KIAA1217: variants seen among roughly 807,000 people sequenced by gnomAD.
The protein encoded by KIAA1217 is KIAA1217.
A neutral mutation model predicts 163.9 loss-of-function variants in KIAA1217; 88 were observed. That is an observed-to-expected ratio of 0.54 (90% CI 0.45 to 0.64). KIAA1217 has a LOEUF of 0.64. Among genes scored for constraint, KIAA1217 ranks in the 30% least tolerant of loss-of-function variants. The probability of loss-of-function intolerance (pLI) is 0.00; values close to 1 mark genes in which losing one functional copy is unlikely to be tolerated. For synonymous variants in KIAA1217, 903 were observed against 923.1 expected (o/e 0.98, Z 0.39); for missense variants, 2,372 against 2,475.0 (o/e 0.96, Z 0.88).
At chr10:23,727,154 C>CT (rs1838204551) in intron 1 of KIAA1217, among the ~76,000 whole-genome samples, 2 of 151,580 alleles carry the variant, frequency 1.3e-5, no homozygotes, top group African/African-American at 2.4e-5. Context: ...AGCCTGGCTG[C>CT]TTTTTTTGTA....
chr10:24,283,041 C>G (rs765004104), intron 2 of KIAA1217, among the ~76,000 whole-genome samples: 17 of 151,764 alleles, frequency 1.1e-4, no homozygotes, highest in Non-Finnish European at 1.8e-4. Flanking sequence ...CCATGTTGGT[C>G]TGGCTGGTCT....
At chr10:24,473,007 T>C (rs1026104822) in intron 5 of KIAA1217, among the ~76,000 whole-genome samples, 1 of 152,206 alleles carries the variant, frequency 6.6e-6, no homozygotes, top group Non-Finnish European at 1.5e-5. Flanking sequence ...ATAAAGACCC[T>C]TGTGATTGCC....
rs149392698 is a variant in KIAA1217 at position 24,354,782 on chromosome 10, A to T, written c.355-26087A>T. Among the ~76,000 whole-genome samples the T allele has an allele frequency of 8.0e-3, 599 of 75,086 alleles. 3 individuals are homozygous for T. The highest frequency in any genetic ancestry group is 0.034 in the African/African-American group (573 of 16,700). The allele number at this position is 75,086 out of a possible 152,430, so 49.3% of individuals were successfully genotyped here. Reference sequence around the variant, plus strand: ...TGCTCCTCTGCTCTTCTGCTCATGGAGCCTGGGGCTTGGGGTTTATATGGG... The same window carrying T: ...TGCTCCTCTGCTCTTCTGCTCATGGTGCCTGGGGCTTGGGGTTTATATGGG... On this transcript the variant is annotated intron_variant, in intron 2 of 20. Transcript: ENST00000376454.
chr10:23,850,114 C>T (rs1477340395), intron 1 of KIAA1217, among the ~76,000 whole-genome samples: 5 of 151,954 alleles, frequency 3.3e-5, no homozygotes, highest in Non-Finnish European at 4.4e-5. Context: ...AGAGTCCATC[C>T]CATTAAAGAG....
At chr10:24,326,713 T>A (rs1258189299) in intron 2 of KIAA1217, among the ~76,000 whole-genome samples, 1 of 152,096 alleles carries the variant, frequency 6.6e-6, no homozygotes, top group East Asian at 1.9e-4. Context: ...CCACAAAAGG[T>A]TTGTGGCATT....
intron 1 of KIAA1217, among the ~76,000 whole-genome samples, chr10:23,980,133 C>G (rs1340661524): frequency 6.6e-6 from 1 of 152,130 alleles, no homozygotes; most frequent in Non-Finnish European, 1.5e-5. Flanking sequence ...TTTCCTCCTG[C>G]TGTTTGTTTT....
chr10:23,937,317 A>T (rs1468888842), intron 1 of KIAA1217, among the ~76,000 whole-genome samples: 3 of 152,158 alleles, frequency 2.0e-5, no homozygotes, highest in African/African-American at 7.2e-5. Flanking sequence ...GGAGAGTAGC[A>T]TGGGGACACA....
At chr10:24,539,175 C>T (rs529255118) in intron 17 of KIAA1217, among the ~76,000 whole-genome samples, 1 of 152,218 alleles carries the variant, frequency 6.6e-6, no homozygotes, top group South Asian at 2.1e-4. Flanking sequence ...TTTGGACTTT[C>T]TCAAAGATCC....
At chr10:23,758,626 T>C (rs370803801) in intron 1 of KIAA1217, among the ~76,000 whole-genome samples, 2 of 116,918 alleles carry the variant, frequency 1.7e-5, no homozygotes, top group African/African-American at 3.8e-5. Context: ...CTTTCTTACT[T>C]TCTCTCTCTC....
chr10:24,335,065 A>G (rs1329206868), intron 2 of KIAA1217, among the ~76,000 whole-genome samples: 1 of 152,210 alleles, frequency 6.6e-6, no homozygotes, highest in Non-Finnish European at 1.5e-5. Flanking sequence ...AATACACACA[A>G]TGAGATCTAT....
chr10:24,336,188 C>A (rs1276968977), intron 2 of KIAA1217, among the ~76,000 whole-genome samples: 2 of 152,058 alleles, frequency 1.3e-5, no homozygotes, highest in Non-Finnish European at 2.9e-5. Flanking sequence ...AGTTGCATGA[C>A]CCGAGACCGG....
chr10:23,920,098 A>G (rs1413351629), intron 1 of KIAA1217, among the ~76,000 whole-genome samples: 1 of 152,196 alleles, frequency 6.6e-6, no homozygotes, highest in African/African-American at 2.4e-5. Flanking sequence ...CAGCTACTCA[A>G]GGACAAAATG....
intron 1 of KIAA1217, among the ~76,000 whole-genome samples, chr10:23,738,336 T>C (rs1461364012): frequency 6.6e-6 from 1 of 152,232 alleles, no homozygotes; most frequent in Non-Finnish European, 1.5e-5. Context: ...TTATTGCCTC[T>C]CACTGATTCA....
intron 3 of KIAA1217, among the ~76,000 whole-genome samples, chr10:24,425,369 A>T (rs990424512): frequency 1.3e-5 from 2 of 152,212 alleles, no homozygotes; most frequent in African/African-American, 4.8e-5. Context: ...GTTCACTTTT[A>T]TACCTAAGTT....
intron 2 of KIAA1217, among the ~76,000 whole-genome samples, chr10:24,160,414 T>C (rs1407666664): frequency 2.6e-5 from 4 of 152,198 alleles, no homozygotes; most frequent in African/African-American, 9.7e-5. Context: ...TGTTTTATAC[T>C]CTCGGTGTAC....
At chr10:24,222,553 G>T (rs569013861) in intron 2 of KIAA1217, among the ~76,000 whole-genome samples, 1 of 152,204 alleles carries the variant, frequency 6.6e-6, no homozygotes, top group Non-Finnish European at 1.5e-5. Context: ...GGAGTACAGT[G>T]GCGCAATCTT....
chr10:24,508,483 AGCAAGTT>A (rs1216695091), intron 9 of KIAA1217, among the ~76,000 whole-genome samples: 4 of 152,234 alleles, frequency 2.6e-5, no homozygotes, highest in African/African-American at 4.8e-5. Context: ...TGAAGATTGT[AGCAAGTT>A]CAGTATGGCT....
At chr10:24,093,774 A>T (rs1364835372) in intron 2 of KIAA1217, among the ~76,000 whole-genome samples, 1 of 146,206 alleles carries the variant, frequency 6.8e-6, no homozygotes, top group Non-Finnish European at 1.5e-5. Context: ...AGCATTAGGT[A>T]TATCTCCTAA....
At chr10:24,205,922 C>A (rs961272097), upstream of KIAA1217, among the ~76,000 whole-genome samples, 2 of 152,182 alleles carry the variant, frequency 1.3e-5, no homozygotes, top group African/African-American at 4.8e-5. Flanking sequence ...ATGCCATTTA[C>A]GTTGCGTTAT....
Sources: allele counts gnomAD v4.1 joint callset (sites outside exome capture counted in the v4.1 genomes callset), GRCh38; gene constraint gnomAD v4.1.1; transcripts MANE v1.5; gene names NCBI Gene and HGNC (gene_info 2026-07-23, HGNC 2026-07-21).